The following ITFG1 variants were observed in gnomAD, a reference collection of about 807,000 sequenced individuals.
The protein encoded by ITFG1 is T-cell immunomodulatory protein.
ITFG1 carries 34 observed loss-of-function variants against 81.8 expected under a neutral mutation model. The observed-to-expected ratio is 0.42, with a 90% confidence interval of 0.32 to 0.55. The LOEUF (loss-of-function observed/expected upper bound fraction) is 0.55, where lower values mean the gene tolerates loss of function less well. Ranked by LOEUF, ITFG1 falls within the 20% of genes least tolerant of loss-of-function variation. The probability of loss-of-function intolerance (pLI) is 0.17; values close to 1 mark genes in which losing one functional copy is unlikely to be tolerated. For missense variants in ITFG1, 672 were observed against 755.4 expected (o/e 0.89, Z 1.29); for synonymous variants, 285 against 270.6 (o/e 1.05, Z -0.52).
At chr16:47,176,220 T>C (rs973463407) in intron 14 of ITFG1, among the ~76,000 whole-genome samples, 1 of 152,198 alleles carries the variant, frequency 6.6e-6, no homozygotes, top group African/African-American at 2.4e-5. Flanking sequence ...AGGGTTACAC[T>C]TGGCAGAGTG....
In ITFG1 at chr16:47,445,948, T is replaced by A. The variant is rs145969369; in HGVS notation, c.560+5448A>T. ...TAGAACTTGGAAGATCCAGATTCAATTCCCAGATTTAGCATTTATTTACGT... is the reference window on the plus strand; with the variant it reads ...TAGAACTTGGAAGATCCAGATTCAAATCCCAGATTTAGCATTTATTTACGT... On this transcript the variant is annotated intron_variant, in intron 5 of 17. Coordinates refer to ENST00000320640, the MANE Select transcript of ITFG1 (RefSeq NM_030790.5). 9.2e-5 allele frequency among the ~76,000 whole-genome samples: 14 copies of A among 152,260 alleles called. No homozygotes were observed. The East Asian group carries it at 2.7e-3, about 29-fold the overall frequency.
intron 14 of ITFG1, among the ~76,000 whole-genome samples, chr16:47,185,553 T>C (rs990240551): frequency 1.3e-5 from 2 of 152,142 alleles, no homozygotes; most frequent in Admixed American, 1.3e-4. Flanking sequence ...AAGATGTTCT[T>C]TGAAACCAAT....
chr16:47,409,234 C>T (rs1431844767), intron 6 of ITFG1, among the ~76,000 whole-genome samples: 1 of 149,510 alleles, frequency 6.7e-6, no homozygotes, highest in South Asian at 2.1e-4. Flanking sequence ...AAAATTAGAT[C>T]TGTGCTGCTA....
chr16:47,165,979 G>C (rs1964884106), intron 14 of ITFG1, among the ~76,000 whole-genome samples: 1 of 152,142 alleles, frequency 6.6e-6, no homozygotes, highest in African/African-American at 2.4e-5. Flanking sequence ...GCATTCAAAA[G>C]TTAACCTGAA....
At chr16:47,258,338 G>T (rs1047848287) in intron 12 of ITFG1, among the ~76,000 whole-genome samples, 4 of 152,166 alleles carry the variant, frequency 2.6e-5, no homozygotes, top group Non-Finnish European at 5.9e-5. Flanking sequence ...AACTGAAAAG[G>T]ACATGAAAAA....
intron 14 of ITFG1, among the ~76,000 whole-genome samples, chr16:47,177,065 T>C (rs1965036978): frequency 6.6e-6 from 1 of 151,836 alleles, no homozygotes; most frequent in South Asian, 2.1e-4. Flanking sequence ...GCTCAAGTGA[T>C]CCTCTGGCCT....
chr16:47,348,663 C>T (rs957277143), intron 8 of ITFG1, among the ~76,000 whole-genome samples: 3 of 152,238 alleles, frequency 2.0e-5, no homozygotes, highest in Middle Eastern at 3.4e-3. Flanking sequence ...AGAACTTCCC[C>T]AACCTAGCAA....
At chr16:47,268,371 G>A (rs1216087164) in intron 10 of ITFG1, among the ~76,000 whole-genome samples, 2 of 152,140 alleles carry the variant, frequency 1.3e-5, no homozygotes, top group Non-Finnish European at 2.9e-5. Context: ...CAGTGTAACA[G>A]TCTCCAAAAA....
At chr16:47,424,836 T>C (rs1356245398) in intron 6 of ITFG1, among the ~76,000 whole-genome samples, 1 of 152,042 alleles carries the variant, frequency 6.6e-6, no homozygotes, top group African/African-American at 2.4e-5. Flanking sequence ...CCTGCCTGTT[T>C]GAGGTGTCTG....
At chr16:47,223,715 G>T (rs1310719472) in intron 13 of ITFG1, among the ~76,000 whole-genome samples, 3 of 152,170 alleles carry the variant, frequency 2.0e-5, no homozygotes, top group Non-Finnish European at 2.9e-5. Context: ...CCATTACTGG[G>T]TATATACCCA....
intron 10 of ITFG1, among the ~76,000 whole-genome samples, chr16:47,279,168 C>T (rs929770667): frequency 5.3e-5 from 8 of 152,104 alleles, no homozygotes; most frequent in African/African-American, 1.7e-4. Flanking sequence ...CTTTCTCTTT[C>T]GTTGACTGTG....
chr16:47,415,075 G>T (rs1446209911), intron 6 of ITFG1, among the ~76,000 whole-genome samples: 1 of 152,116 alleles, frequency 6.6e-6, no homozygotes, highest in Admixed American at 6.5e-5. Flanking sequence ...AATATCAAGG[G>T]ATATTAATGT....
intron 2 of ITFG1, among the ~76,000 whole-genome samples, chr16:47,458,539 T>C (rs777362889): frequency 1.3e-5 from 2 of 152,186 alleles, no homozygotes; most frequent in Non-Finnish European, 2.9e-5. Context: ...TGGGTCACTA[T>C]CATGGAGGTA....
At chr16:47,455,400 A>AT (rs1567506269) in intron 2 of ITFG1, among the ~76,000 whole-genome samples, 1 of 151,948 alleles carries the variant, frequency 6.6e-6, no homozygotes, top group Non-Finnish European at 1.5e-5. Context: ...AAAAAAAAAA[A>AT]CAAACCAACA....
intron 10 of ITFG1, among the ~76,000 whole-genome samples, chr16:47,274,116 G>A (rs1966372575): frequency 6.6e-6 from 1 of 152,084 alleles, no homozygotes; most frequent in African/African-American, 2.4e-5. Flanking sequence ...AATTAGCTGG[G>A]TGTGGTGGTG....
At chr16:47,299,141 G>A (rs1967032985) in intron 10 of ITFG1, among the ~76,000 whole-genome samples, 1 of 152,098 alleles carries the variant, frequency 6.6e-6, no homozygotes, top group Non-Finnish European at 1.5e-5. Flanking sequence ...ACCTTTACTC[G>A]CCTTTGTCTG....
intron 8 of ITFG1, among the ~76,000 whole-genome samples, chr16:47,337,200 A>G (rs907398656): frequency 6.6e-6 from 1 of 151,926 alleles, no homozygotes; most frequent in South Asian, 2.1e-4. Context: ...ATGAATGCTG[A>G]AGATATAGGT....
chr16:47,159,527 C>A (rs1964767940), intron 16 of ITFG1, among the ~76,000 whole-genome samples: 1 of 152,138 alleles, frequency 6.6e-6, no homozygotes, highest in Non-Finnish European at 1.5e-5. Context: ...TACATTACTA[C>A]AATGACTTTT....
At chr16:47,323,967 T>C (rs1314118559) in intron 8 of ITFG1, among the ~76,000 whole-genome samples, 1 of 152,220 alleles carries the variant, frequency 6.6e-6, no homozygotes, top group Non-Finnish European at 1.5e-5. Flanking sequence ...TTATATGAAG[T>C]ATTAAATGTG....
Sources: allele counts gnomAD v4.1 joint callset (sites outside exome capture counted in the v4.1 genomes callset), GRCh38; gene constraint gnomAD v4.1.1; transcripts MANE v1.5; gene names NCBI Gene and HGNC (gene_info 2026-07-23, HGNC 2026-07-21).